Variants in MB21D2 observed in about 807,000 individuals in gnomAD.
The protein encoded by MB21D2 is nucleotidyltransferase MB21D2.
Under a neutral mutation model 33.3 loss-of-function variants are expected in MB21D2, and 9 were observed. The observed-to-expected ratio is 0.27, with a 90% confidence interval of 0.16 to 0.47. The LOEUF (loss-of-function observed/expected upper bound fraction) is 0.47, where lower values mean the gene tolerates loss of function less well. MB21D2 is among the 20% of genes least tolerant of loss of function. The pLI, the probability that MB21D2 is intolerant of heterozygous loss-of-function variation, is 0.99. For missense variants in MB21D2, 540 were observed against 624.6 expected (o/e 0.86, Z 1.44); for synonymous variants, 241 against 236.3 (o/e 1.02, Z -0.18).
intron 1 of MB21D2, among the ~76,000 whole-genome samples, chr3:192,816,434 T>C (rs370742901): frequency 6.6e-6 from 1 of 152,154 alleles, no homozygotes; most frequent in South Asian, 2.1e-4. Flanking sequence ...TCCAGTAAAA[T>C]CACATGAAGT....
At chr3:192,871,888 G>C (rs577018916) in intron 1 of MB21D2, among the ~76,000 whole-genome samples, 15 of 152,170 alleles carry the variant, frequency 9.9e-5, no homozygotes, top group Non-Finnish European at 1.5e-4. Context: ...TGGTTCAAAA[G>C]GCCCTGCAGT....
intron 1 of MB21D2, among the ~76,000 whole-genome samples, chr3:192,802,753 T>A (rs1035699258): frequency 1.3e-5 from 2 of 152,252 alleles, no homozygotes; most frequent in Non-Finnish European, 2.9e-5. Context: ...TCAGTTTCAG[T>A]GAGATATATT....
chr3:192,851,385 T>C lies in MB21D2; in HGVS notation c.212-51735A>G, dbSNP rs143628071. Among the ~76,000 whole-genome samples, 240 of 151,902 alleles carry C rather than the reference T, an allele frequency of 1.6e-3. 1 individual carries two copies. The highest frequency in any genetic ancestry group is 5.7e-3 in the African/African-American group (235 of 41,398). ...AGTAGAAGGTGACTGCTAATGAGTA[T>C]GGGGTTTCTTCTGGGGGCAATAAAA... On this transcript the variant is annotated intron_variant, in intron 1 of 1. Coordinates refer to ENST00000392452, the MANE Select transcript of MB21D2 (RefSeq NM_178496.4).
At chr3:192,909,205 G>T (rs894172362) in intron 1 of MB21D2, among the ~76,000 whole-genome samples, 7 of 150,786 alleles carry the variant, frequency 4.6e-5, no homozygotes, top group Non-Finnish European at 7.4e-5. Flanking sequence ...GCAGTGAGCC[G>T]AGATCGCACC....
chr3:192,829,643 T>C (rs1342787111), intron 1 of MB21D2, among the ~76,000 whole-genome samples: 2 of 152,222 alleles, frequency 1.3e-5, no homozygotes. Context: ...CTATAAATAT[T>C]GAGACAGGAT....
intron 1 of MB21D2, among the ~76,000 whole-genome samples, chr3:192,840,262 G>C (rs1314517909): frequency 4.6e-5 from 7 of 152,010 alleles, no homozygotes. Context: ...GCAAATAACT[G>C]AAATTAGAAA....
chr3:192,825,719 C>G (rs1286004906), intron 1 of MB21D2, among the ~76,000 whole-genome samples: 2 of 152,196 alleles, frequency 1.3e-5, no homozygotes, highest in Admixed American at 1.3e-4. Flanking sequence ...AAGATTCTCC[C>G]TTCTCTCCCT....
intron 1 of MB21D2, among the ~76,000 whole-genome samples, chr3:192,862,402 G>A (rs995877597): frequency 2.6e-5 from 4 of 152,188 alleles, no homozygotes; most frequent in Non-Finnish European, 5.9e-5. Flanking sequence ...ACAGCAGGGA[G>A]ATAAATTTGG....
chr3:192,913,231 A>G (rs1313867412), intron 1 of MB21D2, among the ~76,000 whole-genome samples: 1 of 151,916 alleles, frequency 6.6e-6, no homozygotes, highest in Non-Finnish European at 1.5e-5. Flanking sequence ...CCCTGTCTCT[A>G]CCAAAAATAC....
At chr3:192,917,239 C>A (rs2108658843) in intron 1 of MB21D2, among the ~76,000 whole-genome samples, 1 of 152,348 alleles carries the variant, frequency 6.6e-6, no homozygotes, top group East Asian at 1.9e-4. Flanking sequence ...GCGGAGGTCC[C>A]TGCCTCCGGC....
In MB21D2 at chr3:192,798,320, G is replaced by C; in HGVS notation, c.*66C>G. 2.0e-6 allele frequency: 3 copies of C among 1,520,320 alleles called. No individual in the cohort carries two copies. Among genetic ancestry groups the C allele is most frequent in the African/African-American group, 1.4e-5 (1 of 72,352 alleles). 94.2% of individuals were successfully genotyped at this position (1,520,320 alleles called of 1,614,324 possible). ...TGGATATGTAAAAAACAGAAAGATAGCATCACAAACCACACGACACATTAT... is the reference window on the plus strand; with the variant it reads ...TGGATATGTAAAAAACAGAAAGATACCATCACAAACCACACGACACATTAT... On this transcript the variant is annotated 3_prime_UTR_variant, in exon 2 of 2. Coordinates refer to ENST00000392452, the MANE Select transcript of MB21D2 (RefSeq NM_178496.4). The surrounding 1 kb of genome is among the most constrained non-coding windows in gnomAD (Gnocchi z 4.8).
chr3:192,826,888 TTTCC>T (rs1200132497), intron 1 of MB21D2, among the ~76,000 whole-genome samples: 1 of 151,628 alleles, frequency 6.6e-6, no homozygotes, highest in Non-Finnish European at 1.5e-5. Context: ...TTGTTTTCCC[TTTCC>T]TTCTTTTTTT....
At chr3:192,909,022 A>G (rs1406906086) in intron 1 of MB21D2, among the ~76,000 whole-genome samples, 2 of 151,396 alleles carry the variant, frequency 1.3e-5, no homozygotes, top group Admixed American at 6.6e-5. Flanking sequence ...TTGGGAGGCC[A>G]AGGCAGGCAG....
chr3:192,868,731 AG>A (rs1713221923), intron 1 of MB21D2, among the ~76,000 whole-genome samples: 1 of 152,174 alleles, frequency 6.6e-6, no homozygotes, highest in Non-Finnish European at 1.5e-5. Context: ...GCTATGCCCA[AG>A]GAAGGATGGT....
chr3:192,805,545 G>A (rs1711644078), intron 1 of MB21D2, among the ~76,000 whole-genome samples: 2 of 152,076 alleles, frequency 1.3e-5, no homozygotes, highest in Non-Finnish European at 2.9e-5. Flanking sequence ...TAGTAACAGG[G>A]CTGATTTAAA....
chr3:192,876,723 C>A (rs1392662), intron 1 of MB21D2, among the ~76,000 whole-genome samples: 7 of 152,086 alleles, frequency 4.6e-5, no homozygotes, highest in African/African-American at 1.2e-4. Context: ...CATGTTTTCC[C>A]TGGGTTCATG....
At chr3:192,867,423 C>T (rs896795181) in intron 1 of MB21D2, among the ~76,000 whole-genome samples, 1 of 152,190 alleles carries the variant, frequency 6.6e-6, no homozygotes, top group Non-Finnish European at 1.5e-5. Context: ...CCCTGGCTGT[C>T]ACCCCACTAT....
intron 1 of MB21D2, among the ~76,000 whole-genome samples, chr3:192,826,016 G>A (rs1313671639): frequency 6.6e-6 from 1 of 152,200 alleles, no homozygotes; most frequent in East Asian, 1.9e-4. Flanking sequence ...GCTCCAGGCT[G>A]GTGCTGGGAA....
chr3:192,845,476 T>A (rs1380348579), intron 1 of MB21D2, among the ~76,000 whole-genome samples: 1 of 152,228 alleles, frequency 6.6e-6, no homozygotes, highest in Non-Finnish European at 1.5e-5. Context: ...AGCATCCTCA[T>A]CTATGCTCCT....
Sources: gnomAD v4.1 joint callset for allele counts (sites outside exome capture counted in the v4.1 genomes callset) on GRCh38, gnomAD v4.1.1 for gene constraint, Gnocchi (gnomAD v3.1) non-coding constraint, MANE v1.5 for transcripts, NCBI Gene and HGNC (gene_info 2026-07-23, HGNC 2026-07-21) for gene names.